Variants in BRIX1 observed in about 807,000 individuals in gnomAD.
The protein encoded by BRIX1 is biogenesis of ribosomes BRX1.
In BRIX1, 15 loss-of-function variants were observed where a neutral mutation model predicts 44.0. That is an observed-to-expected ratio of 0.34 (90% CI 0.23 to 0.53). The LOEUF (loss-of-function observed/expected upper bound fraction) is 0.53. Among genes scored for constraint, BRIX1 ranks in the 20% least tolerant of loss-of-function variants. The pLI is 0.95. For synonymous variants in BRIX1, 149 were observed against 135.4 expected, an observed-to-expected ratio of 1.10 and a Z score of -0.70; for missense variants, 420 against 432.8, an observed-to-expected ratio of 0.97 and a Z score of 0.26.
At position 34,925,312 on chromosome 5, in the gene BRIX1, G is replaced by A. The variant is rs1449692974; in HGVS notation, c.879G>A (p.Glu293=). 3.1e-6 allele frequency: 5 copies of A among 1,613,324 alleles called. No individual in the cohort carries two copies. Among genetic ancestry groups the A allele is most frequent in the Non-Finnish European group, 3.4e-6 (4 of 1,179,906 alleles). ...VKDVQKLRKK[E]PKTLLPHDPT... Reference sequence around the variant, plus strand: ...ATGTGCAAAAACTGAGAAAGAAAGAGCCGAAGACTCTTCTTCCACATGATC... The same window carrying A: ...ATGTGCAAAAACTGAGAAAGAAAGAACCGAAGACTCTTCTTCCACATGATC... The change falls in exon 10 of 10, where the codon GAG becomes GAA. Residue 293 remains glutamate, a synonymous_variant. Coordinates refer to ENST00000336767, the MANE Select transcript of BRIX1 (RefSeq NM_018321.4).
intron 1 of BRIX1, among the ~76,000 whole-genome samples, chr5:34,916,961 A>G (rs2111968392): frequency 6.6e-6 from 1 of 152,344 alleles, no homozygotes; most frequent in Middle Eastern, 3.4e-3. Flanking sequence ...CCCTTGAGCT[A>G]GGTAGTATCT....
At chr5:34,917,243 T>C (rs1289665452) in intron 1 of BRIX1, among the ~76,000 whole-genome samples, 1 of 152,230 alleles carries the variant, frequency 6.6e-6, no homozygotes, top group Non-Finnish European at 1.5e-5. Flanking sequence ...GCAATAATGA[T>C]GTAGACGTGA....
chr5:34,920,785 TC>T (rs1239359802), intron 3 of BRIX1: 12 of 152,160 alleles, frequency 7.9e-5, no homozygotes, highest in African/African-American at 2.4e-4. Context: ...GGCACAAACT[TC>T]CTATTTTTGT....
At chr5:34,918,140 CAAAAAAA>C (rs1184236238) in intron 1 of BRIX1, 2 of 103,486 alleles carry the variant, frequency 1.9e-5, no homozygotes, top group Non-Finnish European at 3.5e-5. Flanking sequence ...CCCATCTCTA[CAAAAAAA>C]AAAAAAAAAA....
Position 34,923,180 on chromosome 5 carries a change from C to G in BRIX1, c.609C>G (p.Asp203Glu), listed in dbSNP as rs752944596. Residue 203 changes from aspartate (D) to glutamate (E), a missense_variant, in exon 8 of 10, where the codon GAC becomes GAG. Physicochemically the swap from Asp to Glu is conservative, Grantham distance 45. Coordinates refer to ENST00000336767, the MANE Select transcript of BRIX1 (RefSeq NM_018321.4). The stretch of plus-strand genomic sequence containing the variant: ...ATCCCAAAAGCCAACCATTTGTGGA[C>G]CACGTGTTTACTTTCACCATTTTGG... ...RYHPKSQPFV[D>E]HVFTFTILDN... 1 of 1,614,062 alleles carries G rather than the reference C, an allele frequency of 6.2e-7. No individual in the cohort carries two copies. The highest frequency in any genetic ancestry group is 8.5e-7 in the Non-Finnish European group (1 of 1,179,956).
At chr5:34,923,695 CTG>C (rs1764290793) in intron 8 of BRIX1, among the ~76,000 whole-genome samples, 2 of 152,198 alleles carry the variant, frequency 1.3e-5, no homozygotes, top group Non-Finnish European at 2.9e-5. Flanking sequence ...TTGTGAGCCA[CTG>C]TGCCTGGTCA....
intron 1 of BRIX1, chr5:34,916,118 C>G: frequency 2.2e-6 from 1 of 455,822 alleles, no homozygotes; most frequent in Non-Finnish European, 3.8e-6. Flanking sequence ...AAACCTTTAC[C>G]CGGCCCACGG....
intron 3 of BRIX1, 24 bp downstream of exon 3, chr5:34,919,907 C>A: frequency 2.1e-6 from 2 of 956,916 alleles, no homozygotes; most frequent in Middle Eastern, 2.1e-4. Flanking sequence ...GTAATTGCAA[C>A]AAAATATTTT....
Position 34,925,547 on chromosome 5 carries a change from C to CA in BRIX1, c.*54dup. 6.7e-7 allele frequency: 1 copy of CA among 1,485,706 alleles called. No individual in the cohort carries two copies. The highest frequency in any genetic ancestry group is 9.1e-7 in the Non-Finnish European group (1 of 1,094,626). 92.0% of individuals were successfully genotyped at this position (1,485,706 alleles called of 1,614,324 possible). ...AGTTACTTTATATTTATTTTGTATT[C>CA]AATGTGTAAATACTTTTATTATCTA... On this transcript the variant is annotated 3_prime_UTR_variant, in exon 10 of 10. Transcript: ENST00000336767.
In BRIX1 at chr5:34,915,843, A is replaced by C. The variant is rs2069465; in HGVS notation, c.105A>C (p.Thr35=). Residue 35 remains threonine, a synonymous_variant, in exon 1 of 10, where the codon ACA becomes ACC. Transcript: ENST00000336767. The part of the protein sequence containing the change: ...DAEPPAKRHA[T]AEEVEEEERD... The stretch of plus-strand genomic sequence containing the variant: ...AGCCGCCAGCTAAGCGGCACGCCAC[A>C]GCAGAGGAGGTGGAGGAAGAAGAGA... The C allele has an allele frequency of 3.2e-6, 5 of 1,568,698 alleles. No homozygotes were observed.
intron 1 of BRIX1, chr5:34,918,151 A>C (rs1352343611): frequency 3.0e-6 from 1 of 334,372 alleles, no homozygotes; most frequent in African/African-American, 2.1e-5. Flanking sequence ...AAAAAAAAAA[A>C]AAAAAAAAAC....
intron 2 of BRIX1, 93 bp from the exon 3 acceptor site, chr5:34,919,747 C>A: frequency 2.3e-6 from 1 of 426,390 alleles, no homozygotes; most frequent in Non-Finnish European, 4.3e-6. Flanking sequence ...AGTGTAAAAA[C>A]ACTTTATTTT....
chr5:34,925,010 A>T, intron 9 of BRIX1, 35 bp downstream of exon 9: 1 of 1,589,292 alleles, frequency 6.3e-7, no homozygotes, highest in Non-Finnish European at 8.5e-7. Context: ...TCTTCAATGT[A>T]CCAGAACCCT....
intron 3 of BRIX1, chr5:34,921,264 G>A (rs1023279780): frequency 1.3e-5 from 2 of 152,138 alleles, no homozygotes; most frequent in Non-Finnish European, 2.9e-5. Flanking sequence ...CTTCTCAAGT[G>A]TGACTTTTGT....
chr5:34,921,480 G>C (rs559637061), intron 3 of BRIX1: 2 of 152,302 alleles, frequency 1.3e-5, no homozygotes, highest in South Asian at 4.1e-4. Context: ...AGTTCTATAA[G>C]TACTGCATTT....
At chr5:34,923,500 A>C in intron 8 of BRIX1, 1 of 394,452 alleles carries the variant, frequency 2.5e-6, no homozygotes, top group East Asian at 4.7e-5. Flanking sequence ...CTGGTCTCAA[A>C]CTCCTGACCT....
Position 34,925,821 on chromosome 5 carries a change from A to G in BRIX1, c.*326A>G, listed in dbSNP as rs1764366670. ...GGTCATATTATTTGTAAAAGCATTCAACACTTCAAGAGCATCGGTTGTGGA... is the reference window on the plus strand; with the variant it reads ...GGTCATATTATTTGTAAAAGCATTCGACACTTCAAGAGCATCGGTTGTGGA... On this transcript the variant is annotated 3_prime_UTR_variant, in exon 10 of 10. Coordinates refer to ENST00000336767, the MANE Select transcript of BRIX1 (RefSeq NM_018321.4). 1 of 214,226 alleles carries G rather than the reference A, an allele frequency of 4.7e-6. No homozygotes were observed. The highest frequency in any genetic ancestry group is 9.3e-6 in the Non-Finnish European group (1 of 107,908). The allele number at this position is 214,226 out of a possible 1,614,324, so 13.3% of individuals were successfully genotyped here.
At position 34,925,619 on chromosome 5, in the gene BRIX1, T is replaced by C. The variant is rs184068732; in HGVS notation, c.*124T>C. 31 of 747,980 alleles carry C rather than the reference T, an allele frequency of 4.1e-5. No individual in the cohort carries two copies. Among genetic ancestry groups the C allele is most frequent in the Admixed American group, 3.6e-4 (10 of 28,162 alleles). The allele number at this position is 747,980 out of a possible 1,614,324, so 46.3% of individuals were successfully genotyped here. A position where few individuals can be genotyped will look rare whatever the true frequency, so the allele number is the denominator to read the frequency against. Reference sequence around the variant, plus strand: ...GTGTAGCATTTACAAGAAAGAAAAATTAAGATCTTAAAATCAGTGATTATC... The same window carrying C: ...GTGTAGCATTTACAAGAAAGAAAAACTAAGATCTTAAAATCAGTGATTATC... On this transcript the variant is annotated 3_prime_UTR_variant, in exon 10 of 10. Coordinates refer to ENST00000336767, the MANE Select transcript of BRIX1 (RefSeq NM_018321.4).
rs144248671 is a variant in BRIX1 at position 34,919,865 on chromosome 5, G to C, written c.297G>C (p.Lys99Asn). ...KADTKMDRKD[K>N]LFVINEVCEM... The stretch of plus-strand genomic sequence containing the variant: ...ATACTAAAATGGATCGTAAGGATAA[G>C]CTATTTGTGATTAACGAGGTAATTT... The change falls in exon 3 of 10, where the codon AAG becomes AAC. Residue 99 changes from lysine to asparagine, a missense_variant. Lys to Asn is a moderately conservative substitution (Grantham distance 94). Transcript: ENST00000336767. 180 of 1,196,350 alleles carry C rather than the reference G, an allele frequency of 1.5e-4. No individual in the cohort carries two copies. In the East Asian group the frequency reaches 3.5e-3, roughly 23 times the overall value. The allele number at this position is 1,196,350 out of a possible 1,614,324, so 74.1% of individuals were successfully genotyped here.
Sources: allele counts gnomAD v4.1 joint callset (sites outside exome capture counted in the v4.1 genomes callset), GRCh38; gene constraint gnomAD v4.1.1; transcripts MANE v1.5; gene names NCBI Gene and HGNC (gene_info 2026-07-23, HGNC 2026-07-21).